ATP2B2: variants seen among roughly 807,000 people sequenced by gnomAD.
ATP2B2 encodes ATPase plasma membrane Ca2+ transporting 2.
In ATP2B2, 15 loss-of-function variants were observed where a neutral mutation model predicts 120.0. The observed-to-expected ratio is 0.12, with a 90% CI of 0.08 to 0.19. ATP2B2 has a LOEUF of 0.19. ATP2B2 is among the 10% of genes least tolerant of loss of function. The probability of loss-of-function intolerance (pLI) is 1.00; values close to 1 mark genes in which losing one functional copy is unlikely to be tolerated. For synonymous variants in ATP2B2, 694 were observed against 700.3 expected (o/e 0.99, Z 0.14); for missense variants, 1,045 against 1,719.8 (o/e 0.61, Z 6.94).
At chr3:10,570,433 C>G (rs1559463950) in intron 2 of ATP2B2, 1 of 152,250 alleles carries the variant, frequency 6.6e-6, no homozygotes, top group Non-Finnish European at 1.5e-5. Flanking sequence ...ACCCACTCTG[C>G]TTAGCTGTGA....
intron 2 of ATP2B2, among the ~76,000 whole-genome samples, chr3:10,594,612 A>C (rs972844016): frequency 1.3e-5 from 2 of 151,692 alleles, no homozygotes; most frequent in Admixed American, 1.3e-4. Context: ...GATATACCTA[A>C]TGTAAATGAC....
At chr3:10,403,234 G>A (rs576197773) in intron 3 of ATP2B2, among the ~76,000 whole-genome samples, 4 of 152,208 alleles carry the variant, frequency 2.6e-5, no homozygotes, top group African/African-American at 4.8e-5. Context: ...CTCTAACTCC[G>A]TCCTTGTCAG....
upstream of ATP2B2, among the ~76,000 whole-genome samples, chr3:10,510,374 T>C (rs979586563): frequency 1.4e-4 from 22 of 152,242 alleles, no homozygotes; most frequent in African/African-American, 4.8e-4. Flanking sequence ...TAAAACATTG[T>C]AGCGCAAGGT....
At chr3:10,353,797 A>C (rs2060640802) in intron 14 of ATP2B2, among the ~76,000 whole-genome samples, 1 of 152,076 alleles carries the variant, frequency 6.6e-6, no homozygotes, top group South Asian at 2.1e-4. Flanking sequence ...CAGTGGAGAG[A>C]GGGCTTGGGG....
chr3:10,451,060 G>A (rs543025834), intron 1 of ATP2B2, among the ~76,000 whole-genome samples: 38 of 152,170 alleles, frequency 2.5e-4, no homozygotes, highest in Non-Finnish European at 4.6e-4. Context: ...TAACCTTTTC[G>A]TCTTTCACAC....
intron 3 of ATP2B2, 60 bp downstream of exon 3, chr3:10,410,558 C>T: frequency 1.3e-6 from 2 of 1,522,752 alleles, no homozygotes; most frequent in Non-Finnish European, 1.8e-6. Flanking sequence ...TGAGTGCCCC[C>T]CAGCGTGGAT....
At chr3:10,652,148 C>T (rs551963381) in intron 1 of ATP2B2, among the ~76,000 whole-genome samples, 5 of 152,198 alleles carry the variant, frequency 3.3e-5, no homozygotes, top group East Asian at 1.9e-4. Flanking sequence ...CTTCTTCTGC[C>T]CACCTCAGCC....
At chr3:10,363,596 G>C (rs976075985) in intron 12 of ATP2B2, among the ~76,000 whole-genome samples, 3 of 152,162 alleles carry the variant, frequency 2.0e-5, no homozygotes, top group African/African-American at 7.2e-5. Context: ...GAAGTGAATG[G>C]AGCTAAGATC....
At chr3:10,685,244 G>T (rs892229489) in intron 1 of ATP2B2, among the ~76,000 whole-genome samples, 1 of 152,188 alleles carries the variant, frequency 6.6e-6, no homozygotes, top group Non-Finnish European at 1.5e-5. Context: ...GGTATCTAAC[G>T]GCAGGAATAA....
At chr3:10,476,576 A>G (rs570091512) in intron 1 of ATP2B2, among the ~76,000 whole-genome samples, 14 of 152,320 alleles carry the variant, frequency 9.2e-5, no homozygotes, top group Admixed American at 5.9e-4. Context: ...GTGAGTCTCC[A>G]CAGCTTTTCT....
Position 10,340,320 on chromosome 3 carries a change from T to G in ATP2B2, c.3159A>C (p.Pro1053=). 1 of 1,614,202 alleles carries G rather than the reference T, an allele frequency of 6.2e-7. No homozygotes were observed. The highest frequency in any genetic ancestry group is 8.5e-7 in the Non-Finnish European group (1 of 1,180,034). Residue 1053 remains proline, a synonymous_variant, in exon 21 of 23, where the codon CCA becomes CCC. Transcript: ENST00000360273. This position sits in a 1 kb window ranked among gnomAD's most constrained non-coding sequence, Gnocchi z 5.0. ...CCAGCTGCAGTGGAGAGCAGCTGAA[T>G]GGCTTCCCTCCAAACTGCACGATCA... is the stretch of plus-strand genomic sequence containing the variant. ...QIVIVQFGGK[P]FSCSPLQLDQ...
rs574088063 is a variant in ATP2B2, at chr3:10,589,212, C to G, written c.-415+30705G>C. On this transcript the variant is annotated intron_variant, in intron 2 of 21. Coordinates refer to the ATP2B2 transcript ENST00000646379. ...CCACTCCCATTTGCCCATCCCCACT[C>G]TAGGGGATAAATGGAGTGGCCCAGA... Among the ~76,000 whole-genome samples, 186 of 152,266 alleles carry G rather than the reference C, an allele frequency of 1.2e-3. 2 individuals carry two copies. Among genetic ancestry groups the G allele is most frequent in the African/African-American group, 4.3e-3 (178 of 41,540 alleles).
In ATP2B2 at chr3:10,375,309, C is replaced by T. The variant is rs1465551594; in HGVS notation, c.1416+121G>A. 3 of 832,008 alleles carry T rather than the reference C, an allele frequency of 3.6e-6. No homozygotes were observed. Among genetic ancestry groups the T allele is most frequent in the African/African-American group, 1.7e-5 (1 of 60,186 alleles). 51.5% of individuals were successfully genotyped at this position (832,008 alleles called of 1,614,324 possible). ...CCTGCATACATTCTTCTTCCAAGCT[C>T]CTAGGGGGTCTATGGGGCTTCTTCG... is the stretch of plus-strand genomic sequence containing the variant. On this transcript the variant is annotated intron_variant, in intron 11 of 22. Coordinates refer to ENST00000360273, the MANE Select transcript of ATP2B2 (RefSeq NM_001001331.4). This position sits in a 1 kb window ranked among gnomAD's most constrained non-coding sequence, Gnocchi z 4.2.
At chr3:10,581,017 G>A (rs891509731) in intron 2 of ATP2B2, among the ~76,000 whole-genome samples, 6 of 152,220 alleles carry the variant, frequency 3.9e-5, no homozygotes, top group African/African-American at 1.2e-4. Context: ...GACTTTACAT[G>A]TATTATTTTG....
intron 1 of ATP2B2, among the ~76,000 whole-genome samples, chr3:10,661,583 C>T (rs1234415050): frequency 6.6e-6 from 1 of 152,152 alleles, no homozygotes; most frequent in Admixed American, 6.5e-5. Context: ...CAAACCACTG[C>T]TCAATGAAAT....
intron 1 of ATP2B2, among the ~76,000 whole-genome samples, chr3:10,681,273 C>T (rs1236491550): frequency 1.3e-5 from 2 of 152,242 alleles, no homozygotes; most frequent in African/African-American, 2.4e-5. Context: ...TGTGTGGCCA[C>T]GTCCCCCAGC....
At position 10,386,672 on chromosome 3, in the gene ATP2B2, T is replaced by C. The variant is rs536425034; in HGVS notation, c.908-160A>G. 2.6e-4 allele frequency among the ~76,000 whole-genome samples: 39 copies of C among 152,276 alleles called. No individual in the cohort carries two copies. In the South Asian group the frequency reaches 7.7e-3, roughly 30 times the overall value. On this transcript the variant is annotated intron_variant, in intron 6 of 22. Transcript: ENST00000360273. ...ACATGTGGCGGGCTCTAAGCAATGT[T>C]CCTAGTGGAGGTGATGGGATGGGAG...
chr3:10,399,330 T>C (rs1451016525), intron 5 of ATP2B2, among the ~76,000 whole-genome samples: 1 of 152,234 alleles, frequency 6.6e-6, no homozygotes, highest in Non-Finnish European at 1.5e-5. Flanking sequence ...CCCCGGGGGC[T>C]TTGCACTTGC....
upstream of ATP2B2, among the ~76,000 whole-genome samples, chr3:10,510,306 C>G (rs1230339055): frequency 6.6e-6 from 1 of 152,246 alleles, no homozygotes; most frequent in Non-Finnish European, 1.5e-5. Flanking sequence ...TCACAAAACC[C>G]TGGGAGGTGG....
Sources: gnomAD v4.1 joint callset for allele counts (sites outside exome capture counted in the v4.1 genomes callset) on GRCh38, gnomAD v4.1.1 for gene constraint, Gnocchi (gnomAD v3.1) non-coding constraint, MANE v1.5 for transcripts, NCBI Gene and HGNC (gene_info 2026-07-23, HGNC 2026-07-21) for gene names.